Variants in AKAP9 observed in about 807,000 individuals in gnomAD.
AKAP9 encodes the protein A-kinase anchoring protein 9, also known as A-kinase anchor protein 9.
AKAP9 carries 311 observed loss-of-function variants against 488.5 expected under a neutral mutation model. That is an observed-to-expected ratio of 0.64 (90% CI 0.58 to 0.70). The LOEUF is 0.70. Ranked by LOEUF, AKAP9 falls within the 30% of genes least tolerant of loss-of-function variation. The pLI is 0.00. For synonymous variants in AKAP9, 1,462 were observed against 1,483.5 expected, an observed-to-expected ratio of 0.99 and a Z score of 0.33; for missense variants, 4,215 against 4,374.5, an observed-to-expected ratio of 0.96 and a Z score of 1.03.
chr7:92,032,321 A>T (rs917615322), intron 16 of AKAP9, among the ~76,000 whole-genome samples: 49 of 151,988 alleles, frequency 3.2e-4, no homozygotes, highest in Non-Finnish European at 4.4e-5. Context: ...ACGTGGAGAA[A>T]CCCTGGCTCT....
rs751830399 is a variant in AKAP9 at position 92,089,585 on chromosome 7, T to C, written c.9358+56T>C. 23 of 1,554,840 alleles carry C rather than the reference T, an allele frequency of 1.5e-5. No individual in the cohort carries two copies. The Admixed American group carries it at 2.9e-4, about 20-fold the overall frequency. ...ACAAACAGGTGAAAAGATTTCACTT[T>C]GTTTTCTTTCTTATTATTATTAAGT... On this transcript the variant is annotated intron_variant, in intron 38 of 49. Transcript: ENST00000356239.
Position 92,086,353 on chromosome 7 carries a change from A to G in AKAP9, c.9150A>G (p.Thr3050=). The G allele has an allele frequency of 6.2e-7, 1 of 1,613,978 alleles. No homozygotes were observed. The highest frequency in any genetic ancestry group is 1.1e-5 in the South Asian group (1 of 91,064). The change falls in exon 37 of 50, where the codon ACA becomes ACG. Residue 3050 remains threonine (T), a synonymous_variant. Transcript: ENST00000356239. ...TAGCAGCATTTCGGACGGAGCTGAC[A>G]GCTCTAGGTACTACAGATGCAGTTG... ...VLLAAFRTEL[T]ALGTTDAVGL...
At chr7:92,027,552 G>A (rs7780739) in intron 14 of AKAP9, among the ~76,000 whole-genome samples, 4,664 of 147,276 alleles carry the variant, frequency 0.032, 236 homozygotes, top group African/African-American at 0.11. Context: ...CGGCTGCACC[G>A]TCTGGGAGGT....
chr7:92,093,673 G>A (rs888065317), intron 39 of AKAP9, among the ~76,000 whole-genome samples: 2 of 152,114 alleles, frequency 1.3e-5, no homozygotes, highest in African/African-American at 2.4e-5. Context: ...GACAATGCTT[G>A]TTAAAAGAAT....
chr7:91,985,630 G>A (rs950854830), intron 3 of AKAP9, among the ~76,000 whole-genome samples: 2 of 151,996 alleles, frequency 1.3e-5, no homozygotes, highest in African/African-American at 4.8e-5. Flanking sequence ...CCTCATTTAA[G>A]TTAGGGAGGA....
At chr7:92,103,952 A>C (rs944081576) in intron 46 of AKAP9, among the ~76,000 whole-genome samples, 1 of 151,984 alleles carries the variant, frequency 6.6e-6, no homozygotes, top group Non-Finnish European at 1.5e-5. Flanking sequence ...TTTCTCTAGT[A>C]ATTCCAAGCA....
intron 22 of AKAP9, among the ~76,000 whole-genome samples, chr7:92,057,339 AT>A (rs1398639872): frequency 1.3e-5 from 2 of 152,102 alleles, no homozygotes; most frequent in Non-Finnish European, 1.5e-5. Context: ...TTAATTTCAC[AT>A]TTTTAAATTA....
chr7:92,065,971 TAGATC>T (rs1305219657), intron 25 of AKAP9, among the ~76,000 whole-genome samples: 1 of 152,192 alleles, frequency 6.6e-6, no homozygotes, highest in Non-Finnish European at 1.5e-5. Flanking sequence ...ACTCTCTTCA[TAGATC>T]AGAGAATCAG....
chr7:91,942,759 C>T (rs1790935934), intron 1 of AKAP9, among the ~76,000 whole-genome samples: 1 of 152,090 alleles, frequency 6.6e-6, no homozygotes, highest in Non-Finnish European at 1.5e-5. Context: ...ATTCTAGTTT[C>T]TTTGTGTGTT....
rs750786933 is a variant in AKAP9, at chr7:92,085,618, G to C, written c.8956G>C (p.Ala2986Pro). ...AGAACCTTGGCTAGAAGAGAGAAAAGCTTACATCAATACAATCTCATCTCT... is the reference window on the plus strand; with the variant it reads ...AGAACCTTGGCTAGAAGAGAGAAAACCTTACATCAATACAATCTCATCTCT... ...VSEPWLEERK[A>P]YINTISSLKD... Residue 2986 changes from alanine to proline, a missense_variant, in exon 36 of 50, where the codon GCT (alanine) becomes CCT (proline). Ala to Pro is a conservative substitution (Grantham distance 27, BLOSUM62 -1). Around this residue, in one of 5 missense-constraint regions of AKAP9, gnomAD observed 1,476 missense variants for 1,477.4 expected, o/e 1.00. Coordinates refer to ENST00000356239, the MANE Select transcript of AKAP9 (RefSeq NM_005751.5). 6.2e-7 allele frequency: 1 copy of C among 1,613,908 alleles called. No individual in the cohort carries two copies. The highest frequency in any genetic ancestry group is 1.7e-5 in the Admixed American group (1 of 59,988).
chr7:92,063,446 T>C (rs73226382), intron 24 of AKAP9: 380,202 of 975,690 alleles, frequency 0.39, 75,078 homozygotes, highest in African/African-American at 0.47. Context: ...TTTTTTTTTT[T>C]TCTCTATTTT....
chr7:91,968,081 G>A (rs921279837), intron 1 of AKAP9, among the ~76,000 whole-genome samples: 10 of 152,162 alleles, frequency 6.6e-5, no homozygotes, highest in African/African-American at 2.4e-4. Flanking sequence ...GGGACCACAG[G>A]CATGTGCCAC....
chr7:91,996,021 A>G (rs1021362206), intron 7 of AKAP9: 6 of 451,432 alleles, frequency 1.3e-5, no homozygotes, highest in African/African-American at 1.2e-4. Flanking sequence ...TGTTAAACTG[A>G]ATTAGCAGGA....
At chr7:92,018,651 G>A (rs535320642) in intron 12 of AKAP9, among the ~76,000 whole-genome samples, 27 of 152,102 alleles carry the variant, frequency 1.8e-4, no homozygotes, top group Non-Finnish European at 3.5e-4. Flanking sequence ...CTCGACTGTA[G>A]TATTTGCTGC....
intron 8 of AKAP9, among the ~76,000 whole-genome samples, chr7:92,005,750 C>T (rs1282245652): frequency 1.3e-5 from 2 of 152,144 alleles, no homozygotes; most frequent in Non-Finnish European, 2.9e-5. Context: ...ACTACAACCT[C>T]CGCCTCCCGG....
In AKAP9 at chr7:92,089,521, C is replaced by G; in HGVS notation, c.9350C>G (p.Pro3117Arg). The G allele has an allele frequency of 6.2e-7, 1 of 1,613,096 alleles. No individual in the cohort carries two copies. ...AAAAGAGAACAAGAGAGTGAGAAAC[C>G]AAGCCAAGGTATGTTGTATGACAAG... ...TLKREQESEK[P>R]SQELLEYNIQ... The change falls in exon 38 of 50, where the codon CCA becomes CGA. Residue 3117 changes from proline to arginine, a missense_variant. Pro to Arg is a moderately radical substitution (Grantham distance 103). This residue lies in a region of AKAP9 where 1,476 missense variants were observed against 1,477.4 expected (regional missense o/e 1.00). Coordinates refer to ENST00000356239, the MANE Select transcript of AKAP9 (RefSeq NM_005751.5).
chr7:92,038,309 G>A (rs1047787621), intron 16 of AKAP9, 110 bp from the exon 17 acceptor site: 12 of 777,516 alleles, frequency 1.5e-5, no homozygotes, highest in East Asian at 5.4e-5. Context: ...GTTTAGAACC[G>A]TGAGGCCATG....
chr7:92,069,912 G>A (rs1396200655), intron 26 of AKAP9, 118 bp from the exon 27 acceptor site: 33 of 899,972 alleles, frequency 3.7e-5, no homozygotes, highest in African/African-American at 5.1e-5. Context: ...AAACAAAAAC[G>A]TTTCAGATTT....
At chr7:91,967,875 A>G (rs1794609538) in intron 1 of AKAP9, among the ~76,000 whole-genome samples, 1 of 152,106 alleles carries the variant, frequency 6.6e-6, no homozygotes, top group Non-Finnish European at 1.5e-5. Context: ...TATAATTGTT[A>G]TTCTTTAAAT....
Sources: allele counts gnomAD v4.1 joint callset (sites outside exome capture counted in the v4.1 genomes callset), GRCh38; gene constraint gnomAD v4.1.1; regional missense constraint gnomAD v4.1.1; transcripts MANE v1.5; gene names NCBI Gene and HGNC (gene_info 2026-07-23, HGNC 2026-07-21).